The following DPP10 variants were observed in gnomAD, a reference collection of about 807,000 sequenced individuals.
The protein encoded by DPP10 is inactive dipeptidyl peptidase 10.
A neutral mutation model predicts 120.9 loss-of-function variants in DPP10; 33 were observed. The observed-to-expected ratio is 0.27, with a 90% CI of 0.21 to 0.37. The LOEUF (loss-of-function observed/expected upper bound fraction) is 0.37, where lower values mean the gene tolerates loss of function less well. Among genes scored for constraint, DPP10 ranks in the 10% least tolerant of loss-of-function variants. The pLI, the probability that DPP10 is intolerant of heterozygous loss-of-function variation, is 1.00. For synonymous variants in DPP10, 337 were observed against 326.1 expected (o/e 1.03, Z -0.36); for missense variants, 816 against 942.8 (o/e 0.87, Z 1.76).
At chr2:114,921,576 G>A (rs1443100381) in intron 1 of DPP10, among the ~76,000 whole-genome samples, 1 of 152,112 alleles carries the variant, frequency 6.6e-6, no homozygotes, top group Non-Finnish European at 1.5e-5. Context: ...AAAATATTTA[G>A]ATGTCAAATT....
At chr2:115,045,091 A>G (rs188784320) in intron 1 of DPP10, among the ~76,000 whole-genome samples, 9 of 152,326 alleles carry the variant, frequency 5.9e-5, no homozygotes, top group African/African-American at 1.9e-4. Flanking sequence ...GAGTGCAGAT[A>G]TCTCTTCAGT....
chr2:114,515,193 G>A (rs997004253), intron 1 of DPP10, among the ~76,000 whole-genome samples: 14 of 151,996 alleles, frequency 9.2e-5, no homozygotes, highest in African/African-American at 3.1e-4. Context: ...TTCTACAACC[G>A]TACCATTTTA....
intron 21 of DPP10, among the ~76,000 whole-genome samples, chr2:115,818,793 T>A (rs936414329): frequency 4.6e-5 from 7 of 152,194 alleles, no homozygotes; most frequent in African/African-American, 1.7e-4. Flanking sequence ...AAGTTCAAAT[T>A]CTTTTTCCCC....
At chr2:115,740,254 G>C (rs1677087171) in intron 9 of DPP10, among the ~76,000 whole-genome samples, 1 of 151,944 alleles carries the variant, frequency 6.6e-6, no homozygotes, top group Non-Finnish European at 1.5e-5. Context: ...CAAAGGAGGG[G>C]AAAGTGCCAT....
chr2:115,772,180 C>G (rs1302100339), intron 13 of DPP10, among the ~76,000 whole-genome samples: 2 of 151,988 alleles, frequency 1.3e-5, no homozygotes, highest in Non-Finnish European at 1.5e-5. Flanking sequence ...GCACACTTTT[C>G]CCACAATGCT....
intron 1 of DPP10, among the ~76,000 whole-genome samples, chr2:115,086,335 A>T (rs1356244033): frequency 6.6e-6 from 1 of 152,186 alleles, no homozygotes; most frequent in African/African-American, 2.4e-5. Context: ...TCTTTAGACA[A>T]ACTCAACCCA....
chr2:114,896,077 T>C (rs972300683), intron 1 of DPP10, among the ~76,000 whole-genome samples: 1 of 152,222 alleles, frequency 6.6e-6, no homozygotes, highest in Non-Finnish European at 1.5e-5. Context: ...GGCTCTGTTC[T>C]GTTCCATTGA....
rs764295261 is a variant in DPP10 at position 115,814,972 on chromosome 2, A to G, written c.1880A>G (p.Gln627Arg). 1.2e-6 allele frequency: 2 copies of G among 1,604,594 alleles called. No homozygotes were observed. Among genetic ancestry groups the G allele is most frequent in the South Asian group, 1.1e-5 (1 of 90,148 alleles). The part of the protein sequence containing the change: ...RRLGSVEVKD[Q>R]ITAVKFLLKL... ...TTAGGTTCAGTAGAAGTAAAGGACCAAATAACAGCTGTGAAGTAAGTGGAT... is the reference window on the plus strand; with the variant it reads ...TTAGGTTCAGTAGAAGTAAAGGACCGAATAACAGCTGTGAAGTAAGTGGAT... The change falls in exon 20 of 26, where the codon CAA becomes CGA. Residue 627 changes from glutamine to arginine, a missense_variant. Around this residue, in one of 3 missense-constraint regions of DPP10, gnomAD observed 592 missense variants for 649.0 expected, o/e 0.91. Coordinates refer to ENST00000410059, the MANE Select transcript of DPP10 (RefSeq NM_020868.6).
intron 1 of DPP10, among the ~76,000 whole-genome samples, chr2:115,219,054 C>G (rs914401819): frequency 3.3e-5 from 5 of 152,020 alleles, no homozygotes; most frequent in African/African-American, 1.2e-4. Context: ...ATCAAAGTAT[C>G]TGAAGTAACT....
chr2:115,009,995 C>CATTTT (rs1436296297), intron 1 of DPP10, among the ~76,000 whole-genome samples: 4 of 152,092 alleles, frequency 2.6e-5, no homozygotes, highest in Admixed American at 2.0e-4. Context: ...TCTACTTCTT[C>CATTTT]ATTTTGTTAA....
At position 115,124,160 on chromosome 2, in the gene DPP10, C is replaced by G. The variant is rs182156588; in HGVS notation, c.61-185079C>G. 3.6e-3 allele frequency among the ~76,000 whole-genome samples: 545 copies of G among 152,220 alleles called. 5 individuals carry two copies. The highest frequency in any genetic ancestry group is 0.013 in the African/African-American group (523 of 41,528). On this transcript the variant is annotated intron_variant, in intron 1 of 25. Transcript: ENST00000410059. ...CTCTTGCCATCTTGCCCAGGCTGCT[C>G]ACAAACTCCTAGACTCAAGCGATCC...
intron 1 of DPP10, among the ~76,000 whole-genome samples, chr2:114,899,148 T>G (rs1693316742): frequency 6.6e-6 from 1 of 151,812 alleles, no homozygotes; most frequent in African/African-American, 2.4e-5. Context: ...TCACATTAGC[T>G]TAATCAATAT....
chr2:115,022,547 G>A lies in DPP10; in HGVS notation c.61-286692G>A, dbSNP rs146442716. 5.6e-3 allele frequency among the ~76,000 whole-genome samples: 853 copies of A among 152,128 alleles called. 8 individuals carry two copies. Among genetic ancestry groups the A allele is most frequent in the African/African-American group, 0.019 (804 of 41,520 alleles). On this transcript the variant is annotated intron_variant, in intron 1 of 25. Transcript: ENST00000410059. ...ACATCCCATGCTCATGATGAGGAGAGTCAATATTGTGAAAATGACCATACT... is the reference window on the plus strand; with the variant it reads ...ACATCCCATGCTCATGATGAGGAGAATCAATATTGTGAAAATGACCATACT...
At chr2:115,758,739 A>G (rs1410773153) in intron 11 of DPP10, among the ~76,000 whole-genome samples, 1 of 152,190 alleles carries the variant, frequency 6.6e-6, no homozygotes, top group Admixed American at 6.5e-5. Flanking sequence ...TAGTGGAGGC[A>G]TAAGGACCAC....
At chr2:114,883,967 G>A (rs887585251) in intron 1 of DPP10, among the ~76,000 whole-genome samples, 3 of 152,128 alleles carry the variant, frequency 2.0e-5, no homozygotes, top group Non-Finnish European at 4.4e-5. Context: ...GTTGCTAATG[G>A]GAGAAATTAG....
chr2:115,387,966 C>T (rs1345880478), intron 3 of DPP10, among the ~76,000 whole-genome samples: 1 of 152,182 alleles, frequency 6.6e-6, no homozygotes, highest in African/African-American at 2.4e-5. Context: ...GACAACTTCT[C>T]TGGTGACCAA....
chr2:115,238,293 T>G (rs1031728071), intron 1 of DPP10, among the ~76,000 whole-genome samples: 1 of 152,180 alleles, frequency 6.6e-6, no homozygotes, highest in Non-Finnish European at 1.5e-5. Context: ...CACAGTTTAC[T>G]CAATATTTTT....
chr2:114,940,009 G>A (rs1696775514), intron 1 of DPP10, among the ~76,000 whole-genome samples: 1 of 152,060 alleles, frequency 6.6e-6, no homozygotes, highest in Non-Finnish European at 1.5e-5. Context: ...GCTATCCATA[G>A]TAAGAGACTC....
intron 10 of DPP10, among the ~76,000 whole-genome samples, chr2:115,750,404 C>T (rs1678552649): frequency 6.6e-6 from 1 of 152,352 alleles, no homozygotes; most frequent in Admixed American, 6.5e-5. Flanking sequence ...CTATCTCCAA[C>T]ACCTTCATAT....
Sources: gnomAD v4.1 joint callset for allele counts (sites outside exome capture counted in the v4.1 genomes callset) on GRCh38, gnomAD v4.1.1 for gene constraint, gnomAD v4.1.1 regional missense constraint, MANE v1.5 for transcripts, NCBI Gene and HGNC (gene_info 2026-07-23, HGNC 2026-07-21) for gene names.